The following OR4Q3 variants were observed in gnomAD, a reference collection of about 807,000 sequenced individuals.
The protein encoded by OR4Q3 is olfactory receptor family 4 subfamily Q member 3.
A neutral mutation model predicts 18.8 loss-of-function variants in OR4Q3; 17 were observed. The observed-to-expected ratio is 0.91, with a 90% CI of 0.62 to 1.36. The LOEUF (loss-of-function observed/expected upper bound fraction) is 1.36. Among genes scored for constraint, OR4Q3 ranks in the 40% most tolerant of loss-of-function variants. The pLI is 0.00. For synonymous variants in OR4Q3, 158 were observed against 145.8 expected, an observed-to-expected ratio of 1.08 and a Z score of -0.60; for missense variants, 378 against 373.4, an observed-to-expected ratio of 1.01 and a Z score of -0.10.
downstream of OR4Q3, among the ~76,000 whole-genome samples, chr14:19,750,924 G>T: frequency 0.12 from 18,478 of 149,762 alleles, 558 homozygotes; most frequent in South Asian, 0.23. Flanking sequence ...AAGATAATAT[G>T]TTGGATATCC....
At chr14:19,750,795 G>A, downstream of OR4Q3, among the ~76,000 whole-genome samples, 1 of 152,232 alleles carries the variant, frequency 6.6e-6, no homozygotes, top group Admixed American at 6.5e-5. Flanking sequence ...AAATAGTGTG[G>A]GTGAGGGTGA....
intron 1 of OR4Q3, among the ~76,000 whole-genome samples, chr14:19,745,022 G>A: frequency 0.13 from 19,223 of 149,174 alleles, 572 homozygotes; most frequent in South Asian, 0.23. Context: ...TATTGTCTGA[G>A]GATTGCAAAT....
intron 1 of OR4Q3, among the ~76,000 whole-genome samples, chr14:19,745,215 C>T: frequency 4.6e-5 from 7 of 152,118 alleles, no homozygotes; most frequent in Non-Finnish European, 8.8e-5. Flanking sequence ...ATTTATAGTA[C>T]TGAAATTTCC....
At chr14:19,745,268 G>A in intron 1 of OR4Q3, among the ~76,000 whole-genome samples, 1 of 152,018 alleles carries the variant, frequency 6.6e-6, no homozygotes, top group Non-Finnish European at 1.5e-5. Context: ...ATAAACTCAG[G>A]CTTATAAATA....
At chr14:19,746,094 T>C in intron 1 of OR4Q3, among the ~76,000 whole-genome samples, 1 of 152,008 alleles carries the variant, frequency 6.6e-6, no homozygotes, top group East Asian at 1.9e-4. Flanking sequence ...ATTGTCTATG[T>C]AAATACCTGA....
At chr14:19,745,360 A>G in intron 1 of OR4Q3, among the ~76,000 whole-genome samples, 1 of 152,156 alleles carries the variant, frequency 6.6e-6, no homozygotes, top group African/African-American at 2.4e-5. Context: ...TAATTTTAAT[A>G]TTGTCTGTTT....
At chr14:19,748,510 A>G in exon 2 of OR4Q3, 1 of 691,148 alleles carries the variant, frequency 1.4e-6, no homozygotes, top group Non-Finnish European at 2.3e-6. Flanking sequence ...ATCACTCTTG[A>G]TTACAATTTA....
intron 1 of OR4Q3, among the ~76,000 whole-genome samples, chr14:19,746,138 C>T: frequency 1.3e-5 from 2 of 151,852 alleles, no homozygotes; most frequent in South Asian, 2.1e-4. Context: ...GGATAACATT[C>T]TCTGAATGAC....
chr14:19,751,967 C>A, downstream of OR4Q3, among the ~76,000 whole-genome samples: 1 of 152,152 alleles, frequency 6.6e-6, no homozygotes, highest in East Asian at 1.9e-4. Flanking sequence ...CCTTGAGGTG[C>A]AAAGTGCAGG....
chr14:19,748,482 G>A, exon 2 of OR4Q3: 1 of 801,522 alleles, frequency 1.2e-6, no homozygotes, highest in Non-Finnish European at 1.9e-6. Flanking sequence ...AGAGGAGATA[G>A]CATAAAGATT....
downstream of OR4Q3, among the ~76,000 whole-genome samples, chr14:19,749,916 T>G: frequency 6.9e-6 from 1 of 144,292 alleles, no homozygotes; most frequent in Non-Finnish European, 1.5e-5. Flanking sequence ...CTTTTTTCTT[T>G]CTTTCTTTCT....
downstream of OR4Q3, among the ~76,000 whole-genome samples, chr14:19,752,120 A>G: frequency 2.0e-5 from 3 of 152,342 alleles, no homozygotes; most frequent in Admixed American, 2.0e-4. Flanking sequence ...TGGGAAAAAA[A>G]TTAGCTAAGT....
At chr14:19,750,544 A>G, downstream of OR4Q3, among the ~76,000 whole-genome samples, 1 of 152,232 alleles carries the variant, frequency 6.6e-6, no homozygotes, top group Non-Finnish European at 1.5e-5. Flanking sequence ...TAGCTGAAAA[A>G]TATACCTGTG....
downstream of OR4Q3, among the ~76,000 whole-genome samples, chr14:19,750,113 T>A: frequency 2.0e-5 from 3 of 152,030 alleles, no homozygotes; most frequent in Non-Finnish European, 4.4e-5. Context: ...GCCTCCCAAG[T>A]AGCTGGGATT....
chr14:19,744,459 T>A (rs1877384876), intron 1 of OR4Q3, among the ~76,000 whole-genome samples: 2 of 152,164 alleles, frequency 1.3e-5, no homozygotes, highest in Non-Finnish European at 2.9e-5. Flanking sequence ...CTTCATATTT[T>A]CCTCATAAAC....
At chr14:19,751,519 TTTTGG>T, downstream of OR4Q3, among the ~76,000 whole-genome samples, 1 of 151,314 alleles carries the variant, frequency 6.6e-6, no homozygotes, top group South Asian at 2.1e-4. Flanking sequence ...CCTGGGCTTT[TTTTGG>T]TTAGTAGAGT....
exon 2 of OR4Q3, chr14:19,749,235 C>T: frequency 6.6e-6 from 1 of 152,222 alleles, no homozygotes; most frequent in African/African-American, 2.4e-5. Flanking sequence ...CTCAAACATG[C>T]TTTGAGGAAT....
downstream of OR4Q3, among the ~76,000 whole-genome samples, chr14:19,750,173 C>A: frequency 6.6e-6 from 1 of 151,906 alleles, no homozygotes; most frequent in Non-Finnish European, 1.5e-5. Context: ...TTAGTAAAGA[C>A]GGGGTTTCTC....
At chr14:19,744,954 G>A in intron 1 of OR4Q3, among the ~76,000 whole-genome samples, 1 of 152,146 alleles carries the variant, frequency 6.6e-6, no homozygotes, top group African/African-American at 2.4e-5. Context: ...TCTACCAAAT[G>A]TGGAAATGTT....
Sources: gnomAD v4.1 joint callset for allele counts (sites outside exome capture counted in the v4.1 genomes callset) on GRCh38, gnomAD v4.1.1 for gene constraint, MANE v1.5 for transcripts, NCBI Gene and HGNC (gene_info 2026-07-23, HGNC 2026-07-21) for gene names.